The following CEP170 variants were observed in gnomAD, a reference collection of about 807,000 sequenced individuals.
CEP170 encodes the protein centrosomal protein 170.
A neutral mutation model predicts 151.9 loss-of-function variants in CEP170; 21 were observed. The observed-to-expected ratio is 0.14, with a 90% CI of 0.10 to 0.20. The LOEUF is 0.20. Ranked by LOEUF, CEP170 falls within the 10% of genes least tolerant of loss-of-function variation. The pLI, the probability that CEP170 is intolerant of heterozygous loss-of-function variation, is 1.00. For missense variants in CEP170, 964 were observed against 1,892.9 expected (o/e 0.51, Z 9.11); for synonymous variants, 356 against 648.8 (o/e 0.55, Z 6.86).
rs2058375438 is a variant in CEP170, at chr1:243,165,536, C to G, written c.2424G>C (p.Lys808Asn). 6.2e-7 allele frequency: 1 copy of G among 1,613,214 alleles called. No individual in the cohort carries two copies. The highest frequency in any genetic ancestry group is 8.5e-7 in the Non-Finnish European group (1 of 1,179,732). The change falls in exon 13 of 20, where the codon AAG (lysine) becomes AAC (asparagine). Residue 808 changes from lysine (K) to asparagine (N), a missense_variant. By Grantham distance (94) the Lys-to-Asn change is moderately conservative (BLOSUM62 0). Transcript: ENST00000366542. The stretch of plus-strand genomic sequence containing the variant: ...TCAGAATTTCCTCAGCTTTTCTTCT[C>G]TTGCTCTCACTTTGTGCCACTCTGT... ...KGDRVAQSES[K>N]RRKAEEILKS...
chr1:243,209,216 G>A (rs1558593598), intron 4 of CEP170, among the ~76,000 whole-genome samples: 1 of 152,100 alleles, frequency 6.6e-6, no homozygotes, highest in Admixed American at 6.5e-5. Flanking sequence ...ACGGAGTCTT[G>A]CTCTGTCACC....
intron 17 of CEP170, among the ~76,000 whole-genome samples, chr1:243,133,459 G>A (rs528831119): frequency 1.3e-5 from 2 of 152,194 alleles, no homozygotes; most frequent in East Asian, 1.9e-4. Context: ...CCCAGCTTTA[G>A]AAAATAATTT....
chr1:243,174,668 T>TTAAA (rs1572035779), intron 10 of CEP170, among the ~76,000 whole-genome samples: 1 of 152,244 alleles, frequency 6.6e-6, no homozygotes, highest in Non-Finnish European at 1.5e-5. Context: ...TTATCTTTGC[T>TTAAA]TTAAGAGCAA....
intron 4 of CEP170, among the ~76,000 whole-genome samples, chr1:243,201,332 A>G (rs997784229): frequency 1.3e-5 from 2 of 152,176 alleles, no homozygotes; most frequent in Non-Finnish European, 2.9e-5. Flanking sequence ...GGGTCCTTAC[A>G]GCAACCACAA....
chr1:243,187,124 A>C (rs752645496), intron 8 of CEP170, among the ~76,000 whole-genome samples: 2 of 152,188 alleles, frequency 1.3e-5, no homozygotes, highest in African/African-American at 2.4e-5. Flanking sequence ...CATCTATGAA[A>C]TCTCCACCTA....
intron 1 of CEP170, among the ~76,000 whole-genome samples, chr1:243,225,833 C>T (rs1040189740): frequency 6.6e-6 from 1 of 151,822 alleles, no homozygotes; most frequent in Non-Finnish European, 1.5e-5. Flanking sequence ...ATTTCAATTT[C>T]TTTTTCCTCA....
In CEP170 at chr1:243,231,713, T is replaced by C. The variant is rs58283011; in HGVS notation, c.-41-6392A>G. Among the ~76,000 whole-genome samples the C allele has an allele frequency of 4.1e-3, 624 of 150,766 alleles. 5 individuals are homozygous for C. The highest frequency in any genetic ancestry group is 0.014 in the African/African-American group (587 of 41,110). ...AAATATACAGTGAAAGAAAGGGAAA[T>C]CAAAATGATACACTACAAAAAAGTT... On this transcript the variant is annotated intron_variant, in intron 1 of 19. Coordinates refer to ENST00000366542, the MANE Select transcript of CEP170 (RefSeq NM_014812.3).
At chr1:243,254,631 C>G (rs1333489603) in intron 1 of CEP170, among the ~76,000 whole-genome samples, 1 of 152,244 alleles carries the variant, frequency 6.6e-6, no homozygotes. Context: ...CCATTCCCTC[C>G]AATGCTCCGC....
intron 7 of CEP170, among the ~76,000 whole-genome samples, chr1:243,193,072 T>C (rs1052415108): frequency 9.2e-5 from 14 of 152,126 alleles, no homozygotes; most frequent in Non-Finnish European, 1.8e-4. Flanking sequence ...CATACATTTA[T>C]ATGACATGAC....
At chr1:243,193,383 G>GT (rs983852391) in intron 7 of CEP170, among the ~76,000 whole-genome samples, 1 of 151,670 alleles carries the variant, frequency 6.6e-6, no homozygotes, top group Non-Finnish European at 1.5e-5. Flanking sequence ...CATATAGTTT[G>GT]TTTTTGCTTT....
chr1:243,224,157 T>C (rs1010629586), intron 2 of CEP170, among the ~76,000 whole-genome samples: 5 of 152,116 alleles, frequency 3.3e-5, no homozygotes, highest in African/African-American at 1.2e-4. Flanking sequence ...TCAATGAAAA[T>C]TTAATAAAAA....
chr1:243,149,480 G>T (rs1254698809), intron 14 of CEP170, among the ~76,000 whole-genome samples: 3 of 151,986 alleles, frequency 2.0e-5, no homozygotes, highest in African/African-American at 7.3e-5. Flanking sequence ...TGAACCTGTG[G>T]GCAGGTGGTT....
At chr1:243,247,826 C>A (rs1245214802) in intron 1 of CEP170, among the ~76,000 whole-genome samples, 1 of 152,208 alleles carries the variant, frequency 6.6e-6, no homozygotes, top group Non-Finnish European at 1.5e-5. Context: ...CTAACACTAT[C>A]AAGTTGGTAC....
chr1:243,151,780 C>A (rs546815087), intron 14 of CEP170, among the ~76,000 whole-genome samples: 1 of 152,190 alleles, frequency 6.6e-6, no homozygotes, highest in Non-Finnish European at 1.5e-5. Context: ...GATAAAACAG[C>A]CTTCTATTGG....
At chr1:243,162,096 G>C (rs1338088222) in intron 13 of CEP170, among the ~76,000 whole-genome samples, 1 of 152,186 alleles carries the variant, frequency 6.6e-6, no homozygotes, top group Non-Finnish European at 1.5e-5. Flanking sequence ...AGGTGGAATA[G>C]AGAATATAAA....
At chr1:243,173,287 C>T (rs1179738538) in intron 10 of CEP170, among the ~76,000 whole-genome samples, 5 of 151,384 alleles carry the variant, frequency 3.3e-5, no homozygotes, top group South Asian at 2.1e-4. Flanking sequence ...CTCGAACTCC[C>T]GACCTCAGGT....
intron 1 of CEP170, among the ~76,000 whole-genome samples, chr1:243,245,195 A>G (rs2065252848): frequency 6.6e-6 from 1 of 152,208 alleles, no homozygotes; most frequent in Non-Finnish European, 1.5e-5. Context: ...TCAGAAATAC[A>G]ATGGCCAATA....
At chr1:243,189,327 T>C (rs932948413) in intron 8 of CEP170, among the ~76,000 whole-genome samples, 23 of 151,966 alleles carry the variant, frequency 1.5e-4, no homozygotes, top group South Asian at 8.3e-4. Context: ...GAGGCTAAGG[T>C]GGGTGGATCA....
At chr1:243,178,174 CA>C (rs1285004951) in intron 10 of CEP170, among the ~76,000 whole-genome samples, 4 of 151,764 alleles carry the variant, frequency 2.6e-5, no homozygotes, top group African/African-American at 9.7e-5. Context: ...ACTAAAAATA[CA>C]AAAATTAACC....
Sources: allele counts gnomAD v4.1 joint callset (sites outside exome capture counted in the v4.1 genomes callset), GRCh38; gene constraint gnomAD v4.1.1; transcripts MANE v1.5; gene names NCBI Gene and HGNC (gene_info 2026-07-23, HGNC 2026-07-21).